SLC17A5: variants seen among roughly 807,000 people sequenced by gnomAD.
The protein encoded by SLC17A5 is solute carrier family 17 member 5, also known as sialin.
In SLC17A5, 47 loss-of-function variants were observed where a neutral mutation model predicts 59.4. That is an observed-to-expected ratio of 0.79 (90% CI 0.63 to 1.01). The LOEUF (loss-of-function observed/expected upper bound fraction) is 1.01. Ranked by LOEUF, SLC17A5 falls within the 50% of genes least tolerant of loss-of-function variation. The probability of loss-of-function intolerance (pLI) is 0.00; values close to 1 mark genes in which losing one functional copy is unlikely to be tolerated. For synonymous variants in SLC17A5, 202 were observed against 210.7 expected (o/e 0.96, Z 0.36); for missense variants, 522 against 595.5 (o/e 0.88, Z 1.28).
chr6:73,612,178 A>G (rs1767663897), intron 8 of SLC17A5, among the ~76,000 whole-genome samples: 1 of 138,514 alleles, frequency 7.2e-6, no homozygotes, highest in Non-Finnish European at 1.5e-5. Context: ...ATGCCTGGCT[A>G]ATTTTTTTTT....
intron 9 of SLC17A5, among the ~76,000 whole-genome samples, chr6:73,607,420 C>A (rs1354101450): frequency 6.6e-6 from 1 of 152,056 alleles, no homozygotes; most frequent in African/African-American, 2.4e-5. Context: ...GGTCCTACCA[C>A]CCCACCTGGC....
At chr6:73,614,009 T>TA (rs1272075657) in intron 8 of SLC17A5, among the ~76,000 whole-genome samples, 3 of 152,208 alleles carry the variant, frequency 2.0e-5, no homozygotes, top group Non-Finnish European at 4.4e-5. Flanking sequence ...CTCACTCCTG[T>TA]AGTCCCAGCA....
At chr6:73,623,933 G>A (rs1431979274) in intron 6 of SLC17A5, among the ~76,000 whole-genome samples, 2 of 151,140 alleles carry the variant, frequency 1.3e-5, no homozygotes, top group East Asian at 2.0e-4. Flanking sequence ...TCCTGACCTC[G>A]TGATCTGTCC....
intron 6 of SLC17A5, among the ~76,000 whole-genome samples, chr6:73,623,245 C>G (rs755887448): frequency 6.6e-6 from 1 of 152,044 alleles, no homozygotes; most frequent in Non-Finnish European, 1.5e-5. Context: ...CACTATGTTG[C>G]CCAGGCTGGT....
At position 73,638,328 on chromosome 6, in the gene SLC17A5, A is replaced by G. The variant is rs938976621; in HGVS notation, c.613+84T>C. The G allele has an allele frequency of 2.4e-5, 22 of 933,426 alleles. No individual in the cohort carries two copies. The African/African-American group carries it at 2.6e-4, about 11-fold the overall frequency. The allele number at this position is 933,426 out of a possible 1,614,324, so 57.8% of individuals were successfully genotyped here. ...AAAGGGGCATCCAATCCAACATTGCATCGTTCTGGTATGCAGGCCCTTTTT... is the reference window on the plus strand; with the variant it reads ...AAAGGGGCATCCAATCCAACATTGCGTCGTTCTGGTATGCAGGCCCTTTTT... On this transcript the variant is annotated intron_variant, in intron 4 of 10. Coordinates refer to ENST00000355773, the MANE Select transcript of SLC17A5 (RefSeq NM_012434.5).
intron 9 of SLC17A5, among the ~76,000 whole-genome samples, chr6:73,601,844 G>A (rs200603220): frequency 6.2e-4 from 89 of 142,886 alleles, no homozygotes; most frequent in African/African-American, 2.1e-3. Flanking sequence ...CCGGCCAGCC[G>A]CCCCGTCCGG....
At chr6:73,629,707 G>A (rs746539505) in intron 6 of SLC17A5, among the ~76,000 whole-genome samples, 7 of 151,928 alleles carry the variant, frequency 4.6e-5, no homozygotes, top group African/African-American at 7.3e-5. Context: ...CCCAGGAGGC[G>A]GAGGTTGCAG....
At chr6:73,629,331 G>T (rs555355703) in intron 6 of SLC17A5, among the ~76,000 whole-genome samples, 1 of 152,270 alleles carries the variant, frequency 6.6e-6, no homozygotes, top group South Asian at 2.1e-4. Flanking sequence ...GAGGGAGGCT[G>T]CAGTGAGCCA....
chr6:73,616,312 T>C (rs1767863868), intron 7 of SLC17A5, among the ~76,000 whole-genome samples: 1 of 152,184 alleles, frequency 6.6e-6, no homozygotes, highest in African/African-American at 2.4e-5. Context: ...TAACCTCGTT[T>C]TGGTGTATAG....
chr6:73,615,317 A>G lies in SLC17A5; in HGVS notation c.1109T>C (p.Ile370Thr). The G allele has an allele frequency of 1.2e-6, 2 of 1,614,070 alleles. No individual in the cohort carries two copies. The highest frequency in any genetic ancestry group is 1.1e-5 in the South Asian group (1 of 91,082). Residue 370 changes from isoleucine to threonine, a missense_variant and splice_region_variant, in exon 8 of 11, where the codon ATA (isoleucine) becomes ACA (threonine). Transcript: ENST00000355773. ...TLCVRRIFSL[I>T]GMIGPAVFLV... ...CAAAACCTGATTGCTTCACTTACCT[A>G]TAAGGCTAAAAATTCTGCGAACACA...
At position 73,641,919 on chromosome 6, in the gene SLC17A5, C is replaced by T. The variant is rs755101287; in HGVS notation, c.297G>A (p.Lys99=). 1.1e-5 allele frequency: 17 copies of T among 1,613,418 alleles called. No individual in the cohort carries two copies. The East Asian group carries it at 3.3e-4, about 32-fold the overall frequency. The change falls in exon 3 of 11, where the codon AAG becomes AAA. Residue 99 remains lysine, a synonymous_variant. Coordinates refer to ENST00000355773, the MANE Select transcript of SLC17A5 (RefSeq NM_012434.5). ...PIKVHHNQTG[K]KYQWDAETQG... is the part of the protein sequence containing the mutation. ...GAGTTTCTGCATCCCATTGGTACTT[C>T]TTACCCTACAAAAATCAGAAAAGAA...
intron 8 of SLC17A5, among the ~76,000 whole-genome samples, chr6:73,610,915 T>G (rs1767614066): frequency 6.6e-6 from 1 of 152,112 alleles, no homozygotes; most frequent in Non-Finnish European, 1.5e-5. Context: ...GGAGATAAAC[T>G]GAATAATAAA....
At chr6:73,603,097 C>T (rs746892134) in intron 9 of SLC17A5, among the ~76,000 whole-genome samples, 18 of 152,000 alleles carry the variant, frequency 1.2e-4, no homozygotes, top group Admixed American at 7.2e-4. Flanking sequence ...TTATTATAGA[C>T]GTGAGATCAT....
At chr6:73,653,532 G>T (rs1265146042) in intron 1 of SLC17A5, 1 of 812,742 alleles carries the variant, frequency 1.2e-6, no homozygotes, top group African/African-American at 4.2e-5. Context: ...GCCCCCGCCC[G>T]GTGGGGCTGC....
chr6:73,622,286 ATTTC>A (rs202199332), intron 6 of SLC17A5, among the ~76,000 whole-genome samples: 4 of 146,388 alleles, frequency 2.7e-5, no homozygotes, highest in East Asian at 4.0e-4. Flanking sequence ...TGATTTATCT[ATTTC>A]TTTCTTTCTT....
intron 6 of SLC17A5, among the ~76,000 whole-genome samples, chr6:73,632,434 C>CTTTTTTTT (rs1163170650): frequency 3.9e-4 from 34 of 86,792 alleles, no homozygotes; most frequent in African/African-American, 1.2e-3. Flanking sequence ...GTAGAGAAAG[C>CTTTTTTTT]TTTTTTTTTT....
intron 9 of SLC17A5, among the ~76,000 whole-genome samples, chr6:73,601,997 G>C (rs1006452449): frequency 1.3e-5 from 2 of 151,738 alleles, no homozygotes; most frequent in East Asian, 1.9e-4. Context: ...GGAATAGAAA[G>C]GGGGGAAAGG....
chr6:73,628,239 G>T (rs1259291689), intron 6 of SLC17A5, among the ~76,000 whole-genome samples: 1 of 152,042 alleles, frequency 6.6e-6, no homozygotes, highest in Non-Finnish European at 1.5e-5. Context: ...CTATTAGAGG[G>T]CTACATTATT....
At chr6:73,600,208 CCATT>C (rs1766991803) in intron 10 of SLC17A5, 139 bp downstream of exon 10, 2 of 700,436 alleles carry the variant, frequency 2.9e-6, no homozygotes, top group Admixed American at 2.3e-5. Flanking sequence ...ACTTTCCCAT[CCATT>C]AAGGCATTTA....
Sources: gnomAD v4.1 joint callset for allele counts (sites outside exome capture counted in the v4.1 genomes callset) on GRCh38, gnomAD v4.1.1 for gene constraint, MANE v1.5 for transcripts, NCBI Gene and HGNC (gene_info 2026-07-23, HGNC 2026-07-21) for gene names.